Variants in ARHGEF28 observed in about 807,000 individuals in gnomAD.
ARHGEF28 encodes Rho guanine nucleotide exchange factor 28, also known as 190 kDa guanine nucleotide exchange factor.
In ARHGEF28, 152 loss-of-function variants were observed where a neutral mutation model predicts 206.6. That is an observed-to-expected ratio of 0.74 (90% CI 0.64 to 0.84). The LOEUF is 0.84. Among genes scored for constraint, ARHGEF28 ranks in the 40% least tolerant of loss-of-function variants. ARHGEF28 has a pLI of 0.00. For missense variants in ARHGEF28, 2,028 were observed against 2,073.2 expected (o/e 0.98, Z 0.42); for synonymous variants, 763 against 776.4 (o/e 0.98, Z 0.29).
intron 13 of ARHGEF28, among the ~76,000 whole-genome samples, chr5:73,850,784 A>G (rs1422236185): frequency 6.6e-6 from 1 of 152,132 alleles, no homozygotes; most frequent in Non-Finnish European, 1.5e-5. Flanking sequence ...TTTGCATATG[A>G]GTTAGAATAA....
chr5:73,728,943 C>T (rs1007849336), intron 2 of ARHGEF28, among the ~76,000 whole-genome samples: 3 of 152,042 alleles, frequency 2.0e-5, no homozygotes, highest in Admixed American at 6.6e-5. Context: ...AAATAAATAA[C>T]AAAGAAAAGC....
intron 7 of ARHGEF28, among the ~76,000 whole-genome samples, chr5:73,784,881 A>T (rs1332626597): frequency 6.6e-6 from 1 of 152,218 alleles, no homozygotes; most frequent in Non-Finnish European, 1.5e-5. Flanking sequence ...TAGTAAGTAA[A>T]ATAAGGTTAC....
At chr5:73,748,902 C>T (rs1213400685) in intron 2 of ARHGEF28, among the ~76,000 whole-genome samples, 1 of 152,140 alleles carries the variant, frequency 6.6e-6, no homozygotes, top group East Asian at 1.9e-4. Context: ...CCTGGCAGTC[C>T]CTACCATAGC....
intron 9 of ARHGEF28, among the ~76,000 whole-genome samples, chr5:73,809,316 C>T (rs1472748481): frequency 2.0e-5 from 3 of 152,174 alleles, no homozygotes; most frequent in African/African-American, 7.2e-5. Flanking sequence ...AAATTTACTT[C>T]TGTTAAGTTC....
At chr5:73,907,590 G>C (rs1204696957) in intron 33 of ARHGEF28, among the ~76,000 whole-genome samples, 1 of 152,176 alleles carries the variant, frequency 6.6e-6, no homozygotes, top group Non-Finnish European at 1.5e-5. Flanking sequence ...AATAGAGTTA[G>C]AAATGAGGCA....
chr5:73,795,485 C>A, intron 9 of ARHGEF28, 94 bp downstream of exon 9: 1 of 1,100,418 alleles, frequency 9.1e-7, no homozygotes, highest in Non-Finnish European at 1.4e-6. Flanking sequence ...ATAAAATATT[C>A]CTTCCTGGTA....
intron 22 of ARHGEF28, among the ~76,000 whole-genome samples, chr5:73,880,005 G>A (rs556968835): frequency 2.6e-5 from 4 of 152,324 alleles, no homozygotes; most frequent in South Asian, 2.1e-4. Context: ...CTGTCTTTTT[G>A]TTTGTCTGTG....
intron 1 of ARHGEF28, among the ~76,000 whole-genome samples, chr5:73,670,836 A>G (rs1384761304): frequency 6.6e-6 from 1 of 152,028 alleles, no homozygotes; most frequent in Admixed American, 6.6e-5. Context: ...GCATTGCTTG[A>G]GAGTTCTTTA....
At chr5:73,640,910 T>A (rs555184657) in intron 1 of ARHGEF28, among the ~76,000 whole-genome samples, 1 of 152,332 alleles carries the variant, frequency 6.6e-6, no homozygotes, top group East Asian at 1.9e-4. Flanking sequence ...GGGAGTGTAA[T>A]CAGTTGGTAC....
Position 73,753,147 on chromosome 5 carries a change from G to T in ARHGEF28, c.420G>T (p.Leu140=), listed in dbSNP as rs747614024. The stretch of plus-strand genomic sequence containing the variant: ...TGGATGAGGAGCTCGTGCTGGCTCT[G>T]ACCCATCTGGAATTGCCTCTAGAGT... ...PALDEELVLA[L]THLELPLEWT... is the part of the protein sequence containing the mutation. Residue 140 remains leucine, a synonymous_variant, in exon 4 of 36, where the codon CTG becomes CTT. Transcript: ENST00000513042. The T allele has an allele frequency of 6.4e-7, 1 of 1,558,398 alleles. No homozygotes were observed. The highest frequency in any genetic ancestry group is 1.3e-5 in the South Asian group (1 of 79,968).
Position 73,685,022 on chromosome 5 carries a change from A to G in ARHGEF28, c.33+138A>G, listed in dbSNP as rs1207206137. The G allele has an allele frequency of 5.1e-6, 4 of 783,432 alleles. No homozygotes were observed. The East Asian group carries it at 1.2e-4, about 23-fold the overall frequency. 48.5% of individuals were successfully genotyped at this position (783,432 alleles called of 1,614,324 possible). A position where few individuals can be genotyped will look rare whatever the true frequency, so the allele number is the denominator to read the frequency against. On this transcript the variant is annotated intron_variant, in intron 2 of 35. Coordinates refer to ENST00000513042, the MANE Select transcript of ARHGEF28 (RefSeq NM_001177693.2). ...AACAACACACTGAGCGTTACTGTCT[A>G]GTTCAAGTATTTGCATGGAGCGTTT...
At chr5:73,741,413 A>G (rs1454765676) in intron 2 of ARHGEF28, among the ~76,000 whole-genome samples, 75 of 43,314 alleles carry the variant, frequency 1.7e-3, no homozygotes, top group Non-Finnish European at 2.5e-3. Context: ...ATATATATAT[A>G]TATATATATA....
chr5:73,839,889 G>C (rs1283289776), intron 10 of ARHGEF28, among the ~76,000 whole-genome samples: 3 of 151,992 alleles, frequency 2.0e-5, no homozygotes, highest in African/African-American at 7.3e-5. Flanking sequence ...TATTACCTTG[G>C]TACCCAGATT....
intron 22 of ARHGEF28, among the ~76,000 whole-genome samples, chr5:73,879,643 G>A (rs1322576974): frequency 2.0e-5 from 3 of 152,114 alleles, no homozygotes; most frequent in East Asian, 1.9e-4. Context: ...TCCTTCTAAC[G>A]GACAGGACCT....
intron 26 of ARHGEF28, among the ~76,000 whole-genome samples, chr5:73,888,545 A>T (rs1158354749): frequency 6.6e-6 from 1 of 152,214 alleles, no homozygotes; most frequent in Admixed American, 6.5e-5. Context: ...AAACAAATTC[A>T]CATCTTTATA....
chr5:73,715,567 C>A (rs1749535683), intron 2 of ARHGEF28, among the ~76,000 whole-genome samples: 1 of 152,156 alleles, frequency 6.6e-6, no homozygotes, highest in South Asian at 2.1e-4. Context: ...ACCCAAAAGG[C>A]AAATGTCTAC....
At chr5:73,775,560 A>G (rs998675717) in intron 5 of ARHGEF28, among the ~76,000 whole-genome samples, 1 of 152,200 alleles carries the variant, frequency 6.6e-6, no homozygotes, top group African/African-American at 2.4e-5. Flanking sequence ...TGGAGATAAC[A>G]TTTCCTTCAT....
At chr5:73,870,710 G>A (rs2973554) in intron 21 of ARHGEF28, among the ~76,000 whole-genome samples, 39,951 of 152,052 alleles carry the variant, frequency 0.26, 5,932 homozygotes, top group Admixed American at 0.37. Flanking sequence ...GTTTGACTAC[G>A]TGCTGCCATC....
At chr5:73,699,131 C>T (rs1268310833) in intron 2 of ARHGEF28, among the ~76,000 whole-genome samples, 1 of 151,866 alleles carries the variant, frequency 6.6e-6, no homozygotes, top group Non-Finnish European at 1.5e-5. Context: ...GAAGAGGCAG[C>T]CCTAGTTTCT....
Sources: allele counts gnomAD v4.1 joint callset (sites outside exome capture counted in the v4.1 genomes callset), GRCh38; gene constraint gnomAD v4.1.1; transcripts MANE v1.5; gene names NCBI Gene and HGNC (gene_info 2026-07-23, HGNC 2026-07-21).